TMEM108: variants seen among roughly 807,000 people sequenced by gnomAD.
TMEM108 encodes the protein transmembrane protein 108.
TMEM108 carries 12 observed loss-of-function variants against 35.1 expected under a neutral mutation model. The observed-to-expected ratio is 0.34, with a 90% CI of 0.22 to 0.55. The LOEUF (loss-of-function observed/expected upper bound fraction) is 0.55. Among genes scored for constraint, TMEM108 ranks in the 20% least tolerant of loss-of-function variants. TMEM108 has a pLI of 0.89. For missense variants in TMEM108, 680 were observed against 753.3 expected, an observed-to-expected ratio of 0.90 and a Z score of 1.14; for synonymous variants, 287 against 308.6, an observed-to-expected ratio of 0.93 and a Z score of 0.73.
chr3:133,377,158 A>C (rs928061157), intron 3 of TMEM108, among the ~76,000 whole-genome samples: 5 of 152,194 alleles, frequency 3.3e-5, no homozygotes, highest in African/African-American at 9.7e-5. Context: ...CCTCTTTGAA[A>C]GCCCTATCTC....
intron 3 of TMEM108, among the ~76,000 whole-genome samples, chr3:133,270,435 A>G (rs576488016): frequency 2.1e-4 from 32 of 152,332 alleles, no homozygotes; most frequent in Admixed American, 9.8e-4. Flanking sequence ...AGATAAACCA[A>G]TTAAAACCCT....
rs146013479 is a variant in TMEM108 at position 133,367,853 on chromosome 3, C to A, written c.41-11899C>A. On this transcript the variant is annotated intron_variant, in intron 3 of 5. Coordinates refer to ENST00000321871, the MANE Select transcript of TMEM108 (RefSeq NM_023943.4). Reference sequence around the variant, plus strand: ...TCTTCTCCTTCCTCCTCAACAAGTTCTTTTGTGAGGGGAGAGAAAGTGCTG... The same window carrying A: ...TCTTCTCCTTCCTCCTCAACAAGTTATTTTGTGAGGGGAGAGAAAGTGCTG... Among the ~76,000 whole-genome samples, 11 of 152,302 alleles carry A rather than the reference C, an allele frequency of 7.2e-5. No individual in the cohort carries two copies. In the East Asian group the frequency reaches 2.1e-3, roughly 29 times the overall value.
At chr3:133,157,333 A>G (rs1944896198) in intron 2 of TMEM108, among the ~76,000 whole-genome samples, 1 of 152,186 alleles carries the variant, frequency 6.6e-6, no homozygotes, top group Non-Finnish European at 1.5e-5. Context: ...TTGGAGGGAA[A>G]AGTTACTGGT....
intron 3 of TMEM108, among the ~76,000 whole-genome samples, chr3:133,332,082 GCACACACA>G (rs66877804): frequency 0.04 from 6,056 of 151,014 alleles, 341 homozygotes; most frequent in African/African-American, 0.13. Flanking sequence ...GTGCGCACGT[GCACACACA>G]CACACACACA....
chr3:133,106,108 G>T (rs1944148035), intron 2 of TMEM108, among the ~76,000 whole-genome samples: 1 of 150,920 alleles, frequency 6.6e-6, no homozygotes, highest in South Asian at 2.1e-4. Context: ...TGGGAAGACT[G>T]TGGGGAATAT....
At chr3:133,243,825 C>T (rs1341556062) in intron 3 of TMEM108, among the ~76,000 whole-genome samples, 1 of 152,106 alleles carries the variant, frequency 6.6e-6, no homozygotes, top group African/African-American at 2.4e-5. Context: ...CGCCCGGCCT[C>T]ATGTCTTTTT....
At chr3:133,340,764 G>T (rs2071638305) in intron 3 of TMEM108, among the ~76,000 whole-genome samples, 1 of 151,260 alleles carries the variant, frequency 6.6e-6, no homozygotes, top group Admixed American at 6.6e-5. Context: ...CAAGGATAAT[G>T]CACAAATCAA....
intron 3 of TMEM108, among the ~76,000 whole-genome samples, chr3:133,335,634 A>G (rs1202705734): frequency 6.6e-6 from 1 of 152,224 alleles, no homozygotes; most frequent in Non-Finnish European, 1.5e-5. Context: ...GGTATATAGA[A>G]TGAGCAGAGC....
At chr3:133,365,765 C>A (rs1342196125) in intron 3 of TMEM108, among the ~76,000 whole-genome samples, 1 of 152,108 alleles carries the variant, frequency 6.6e-6, no homozygotes, top group African/African-American at 2.4e-5. Context: ...AACTATATCC[C>A]CGGCTGGAAT....
intron 2 of TMEM108, among the ~76,000 whole-genome samples, chr3:133,122,309 T>C (rs1275015629): frequency 6.6e-6 from 1 of 152,174 alleles, no homozygotes; most frequent in African/African-American, 2.4e-5. Context: ...AATAAAGTTT[T>C]TGAGGTACTA....
intron 3 of TMEM108, among the ~76,000 whole-genome samples, chr3:133,362,668 T>G (rs923590213): frequency 6.6e-6 from 1 of 152,204 alleles, no homozygotes; most frequent in Non-Finnish European, 1.5e-5. Context: ...CAGCCACCTC[T>G]AATCCTCCCC....
intron 2 of TMEM108, among the ~76,000 whole-genome samples, chr3:133,154,255 TG>T (rs1320912911): frequency 1.3e-5 from 2 of 152,072 alleles, no homozygotes; most frequent in Non-Finnish European, 2.9e-5. Context: ...TTCACTCTGA[TG>T]GTGGTTTCTT....
At chr3:133,137,765 G>A (rs1384781082) in intron 2 of TMEM108, among the ~76,000 whole-genome samples, 1 of 152,136 alleles carries the variant, frequency 6.6e-6, no homozygotes, top group Non-Finnish European at 1.5e-5. Flanking sequence ...GGCCAAATGG[G>A]ACAGCCAAGG....
chr3:133,278,035 G>A (rs1051505237), intron 3 of TMEM108, among the ~76,000 whole-genome samples: 6 of 152,250 alleles, frequency 3.9e-5, no homozygotes, highest in South Asian at 2.1e-4. Context: ...ACAAAACTAC[G>A]GCAAGCCTTT....
chr3:133,096,908 A>C (rs1203226649), intron 2 of TMEM108, among the ~76,000 whole-genome samples: 1 of 152,248 alleles, frequency 6.6e-6, no homozygotes, highest in Non-Finnish European at 1.5e-5. Flanking sequence ...TAACTTGAGC[A>C]GTTGGCCCCA....
chr3:133,151,068 TA>T (rs1310003460), intron 2 of TMEM108, among the ~76,000 whole-genome samples: 7 of 152,162 alleles, frequency 4.6e-5, no homozygotes, highest in East Asian at 1.9e-4. Flanking sequence ...AACCCTTTTT[TA>T]TTCCTTTAGC....
chr3:133,242,045 A>C (rs1946321804), intron 3 of TMEM108, among the ~76,000 whole-genome samples: 1 of 152,156 alleles, frequency 6.6e-6, no homozygotes, highest in Admixed American at 6.5e-5. Flanking sequence ...TGAAGGCTCT[A>C]AGGCTCCAAT....
At chr3:133,395,021 T>C (rs1235722675) in intron 5 of TMEM108, among the ~76,000 whole-genome samples, 1 of 152,218 alleles carries the variant, frequency 6.6e-6, no homozygotes, top group African/African-American at 2.4e-5. Flanking sequence ...TTTCTCTCTC[T>C]TAATTAGTAC....
chr3:133,189,471 G>T (rs1267576922), intron 2 of TMEM108, among the ~76,000 whole-genome samples: 1 of 152,170 alleles, frequency 6.6e-6, no homozygotes, highest in African/African-American at 2.4e-5. Flanking sequence ...GAAAAGCTTT[G>T]AATGATTGTT....
Sources: gnomAD v4.1 joint callset for allele counts (sites outside exome capture counted in the v4.1 genomes callset) on GRCh38, gnomAD v4.1.1 for gene constraint, MANE v1.5 for transcripts, NCBI Gene and HGNC (gene_info 2026-07-23, HGNC 2026-07-21) for gene names.